The following PEX13 variants were observed in gnomAD, a reference collection of about 807,000 sequenced individuals.
PEX13 encodes the protein peroxisomal biogenesis factor 13.
PEX13 carries 28 observed loss-of-function variants against 34.5 expected under a neutral mutation model. The ratio of observed to expected loss-of-function variants is 0.81; its 90% CI spans 0.60 to 1.11. The LOEUF (loss-of-function observed/expected upper bound fraction) is 1.11. Ranked by LOEUF, PEX13 falls within the 50% of genes most tolerant of loss-of-function variation. PEX13 has a pLI of 0.00. For missense variants in PEX13, 550 were observed against 491.0 expected (o/e 1.12, Z -1.13); for synonymous variants, 177 against 175.1 (o/e 1.01, Z -0.09).
chr2:61,043,226 G>T (rs1002634785), intron 2 of PEX13, among the ~76,000 whole-genome samples: 1 of 151,738 alleles, frequency 6.6e-6, no homozygotes, highest in Non-Finnish European at 1.5e-5. Context: ...GCTGGGTTCG[G>T]TGGCTCATGC....
chr2:61,045,056 A>C (rs1053763305), intron 2 of PEX13, among the ~76,000 whole-genome samples: 1 of 152,206 alleles, frequency 6.6e-6, no homozygotes, highest in African/African-American at 2.4e-5. Flanking sequence ...TAAAAGGCAA[A>C]TATCAAGAGA....
intron 1 of PEX13, chr2:61,018,327 C>T (rs1000702048): frequency 5.2e-6 from 8 of 1,534,002 alleles, no homozygotes; most frequent in African/African-American, 1.4e-5. Context: ...ACTCAAGCCC[C>T]GTACACTTTG....
At chr2:61,021,333 C>T (rs1011980435) in intron 1 of PEX13, among the ~76,000 whole-genome samples, 13 of 152,174 alleles carry the variant, frequency 8.5e-5, no homozygotes, top group African/African-American at 2.9e-4. Flanking sequence ...GGGCTTTTTC[C>T]ACAGTCTTAG....
At chr2:61,034,304 G>A (rs1339774959) in intron 2 of PEX13, among the ~76,000 whole-genome samples, 1 of 152,166 alleles carries the variant, frequency 6.6e-6, no homozygotes, top group Non-Finnish European at 1.5e-5. Context: ...GCCGACTTAG[G>A]TTTTAAAAAG....
chr2:61,025,055 G>A (rs1442689511), intron 1 of PEX13, among the ~76,000 whole-genome samples: 1 of 151,742 alleles, frequency 6.6e-6, no homozygotes, highest in Non-Finnish European at 1.5e-5. Context: ...TGTATTATCT[G>A]AAGTTTCTTT....
intron 1 of PEX13, among the ~76,000 whole-genome samples, chr2:61,020,619 C>T (rs1045844774): frequency 2.0e-5 from 3 of 152,120 alleles, no homozygotes; most frequent in Non-Finnish European, 2.9e-5. Context: ...TTCTCTCTCT[C>T]TACCTTGCTC....
intron 2 of PEX13, among the ~76,000 whole-genome samples, chr2:61,041,158 G>A (rs933522068): frequency 3.9e-5 from 6 of 152,032 alleles, no homozygotes; most frequent in Non-Finnish European, 7.4e-5. Context: ...GGGAAAACCT[G>A]TCTCTACAAC....
At chr2:61,039,611 T>G (rs532964682) in intron 2 of PEX13, among the ~76,000 whole-genome samples, 15 of 152,290 alleles carry the variant, frequency 9.8e-5, no homozygotes, top group Non-Finnish European at 1.8e-4. Context: ...ATTAAAAACT[T>G]AAATGTAAGA....
At position 61,051,808 on chromosome 2, in the gene PEX13, A is replaced by T. The variant is rs886056211; in HGVS notation, c.*3038A>T. 8 of 152,366 alleles carry T rather than the reference A, an allele frequency of 5.3e-5. No individual in the cohort carries two copies. The East Asian group carries it at 1.5e-3, about 29-fold the overall frequency. 9.4% of individuals were successfully genotyped at this position (152,366 alleles called of 1,614,324 possible). Reference sequence around the variant, plus strand: ...AAGAACTATACATTTTCATGTTTTAACATTTTATGTACGTACTTGATTCTG... The same window carrying T: ...AAGAACTATACATTTTCATGTTTTATCATTTTATGTACGTACTTGATTCTG... On this transcript the variant is annotated 3_prime_UTR_variant, in exon 4 of 4. Coordinates refer to ENST00000295030, the MANE Select transcript of PEX13 (RefSeq NM_002618.4).
At chr2:61,038,942 A>G (rs1559040834) in intron 2 of PEX13, among the ~76,000 whole-genome samples, 2 of 152,218 alleles carry the variant, frequency 1.3e-5, no homozygotes, top group South Asian at 4.1e-4. Context: ...AAAAATCACA[A>G]GCATTCCTAT....
At chr2:61,039,717 A>G (rs926351910) in intron 2 of PEX13, among the ~76,000 whole-genome samples, 2 of 152,086 alleles carry the variant, frequency 1.3e-5, no homozygotes, top group African/African-American at 4.8e-5. Flanking sequence ...AAAAACAATG[A>G]CAACAAAAGC....
chr2:61,032,241 T>G (rs145633506), intron 2 of PEX13, 128 bp downstream of exon 2: 1 of 735,036 alleles, frequency 1.4e-6, no homozygotes, highest in East Asian at 2.7e-5. Flanking sequence ...GTTAAGAGCT[T>G]CAAAACTGGC....
intron 2 of PEX13, among the ~76,000 whole-genome samples, chr2:61,036,970 G>A (rs1049809309): frequency 2.6e-5 from 4 of 151,938 alleles, no homozygotes; most frequent in Admixed American, 2.6e-4. Flanking sequence ...AAAAAAAGCA[G>A]GAGTTGCAAT....
At chr2:61,029,803 C>A (rs571870967) in intron 1 of PEX13, among the ~76,000 whole-genome samples, 33 of 150,904 alleles carry the variant, frequency 2.2e-4, no homozygotes, top group Non-Finnish European at 4.0e-4. Context: ...TAGAGTGAGA[C>A]CCTGTCTCTT....
chr2:61,018,235 T>G, intron 1 of PEX13: 1 of 1,551,156 alleles, frequency 6.4e-7, no homozygotes, highest in East Asian at 2.4e-5. Context: ...AGCCACGGCA[T>G]CGACAGGGAG....
At chr2:61,034,755 G>A (rs1397200180) in intron 2 of PEX13, among the ~76,000 whole-genome samples, 1 of 152,250 alleles carries the variant, frequency 6.6e-6, no homozygotes. Context: ...TGATGGGGCA[G>A]GGCCAGCATC....
In PEX13 at chr2:61,026,368, G is replaced by A. The variant is rs569841012; in HGVS notation, c.93-5051G>A. Among the ~76,000 whole-genome samples the A allele has an allele frequency of 9.1e-5, 11 of 120,242 alleles. No individual in the cohort carries two copies. In the East Asian group the frequency reaches 9.5e-4, roughly 10 times the overall value. The allele number at this position is 120,242 out of a possible 152,430, so 78.9% of individuals were successfully genotyped here. A position where few individuals can be genotyped will look rare whatever the true frequency, so the allele number is the denominator to read the frequency against. On this transcript the variant is annotated intron_variant, in intron 1 of 3. Transcript: ENST00000295030. ...TCTTTTTTTTTTTTTTTTTTGAGAC[G>A]GAGTCTCACTCTGTCGCCCAGGCCG...
intron 1 of PEX13, among the ~76,000 whole-genome samples, chr2:61,028,237 C>T (rs1024357831): frequency 1.3e-5 from 2 of 152,174 alleles, no homozygotes; most frequent in Non-Finnish European, 2.9e-5. Context: ...AAGTAAACAA[C>T]ATCACTTATG....
Position 61,018,356 on chromosome 2 carries a change from C to T in PEX13, c.92+505C>T, listed in dbSNP as rs1292085141. 6.7e-6 allele frequency: 10 copies of T among 1,499,534 alleles called. No individual in the cohort carries two copies. In the Admixed American group the frequency reaches 1.9e-4, roughly 29 times the overall value. 92.9% of individuals were successfully genotyped at this position (1,499,534 alleles called of 1,614,324 possible). A position where few individuals can be genotyped will look rare whatever the true frequency, so the allele number is the denominator to read the frequency against. The stretch of plus-strand genomic sequence containing the variant: ...CACTTTGCATTCTTTTCCAGCATAA[C>T]TCAGCCAGTGTTTCGGATCGAGATT... On this transcript the variant is annotated intron_variant, in intron 1 of 3. Transcript: ENST00000295030.
Sources: allele counts gnomAD v4.1 joint callset (sites outside exome capture counted in the v4.1 genomes callset), GRCh38; gene constraint gnomAD v4.1.1; transcripts MANE v1.5; gene names NCBI Gene and HGNC (gene_info 2026-07-23, HGNC 2026-07-21).